Variants in MEF2C observed in about 807,000 individuals in gnomAD.
MEF2C encodes the protein myocyte-specific enhancer factor 2C.
MEF2C carries 6 observed loss-of-function variants against 50.5 expected under a neutral mutation model. That is an observed-to-expected ratio of 0.12 (90% confidence interval 0.07 to 0.23). MEF2C has a LOEUF of 0.23. MEF2C is among the 10% of genes least tolerant of loss of function. MEF2C has a pLI of 1.00. For missense variants in MEF2C, 276 were observed against 605.0 expected, an observed-to-expected ratio of 0.46 and a Z score of 5.70; for synonymous variants, 183 against 228.0, an observed-to-expected ratio of 0.80 and a Z score of 1.78.
At chr5:88,809,924 T>C (rs1294376565) in intron 2 of MEF2C, among the ~76,000 whole-genome samples, 3 of 152,176 alleles carry the variant, frequency 2.0e-5, no homozygotes, top group Admixed American at 1.3e-4. Flanking sequence ...TTTCTCATTG[T>C]AGTCCTCCAG....
At chr5:88,723,708 A>T (rs1757314973) in intron 10 of MEF2C, among the ~76,000 whole-genome samples, 1 of 152,106 alleles carries the variant, frequency 6.6e-6, no homozygotes, top group Non-Finnish European at 1.5e-5. Flanking sequence ...AATGTTAGTC[A>T]CTCCCTGATG....
At chr5:88,735,558 G>A (rs1374515319) in intron 6 of MEF2C, 1 of 972,496 alleles carries the variant, frequency 1.0e-6, no homozygotes, top group African/African-American at 1.8e-5. Flanking sequence ...TAAAAATATT[G>A]TTTTACATAA....
intron 6 of MEF2C, chr5:88,738,619 C>T (rs1765122743): frequency 2.0e-6 from 2 of 985,014 alleles, no homozygotes; most frequent in Non-Finnish European, 2.4e-6. Context: ...CCTTCAGAAC[C>T]AGTCATGCTC....
intron 10 of MEF2C, among the ~76,000 whole-genome samples, chr5:88,725,214 C>T (rs1345055889): frequency 2.6e-5 from 4 of 152,048 alleles, no homozygotes; most frequent in African/African-American, 7.2e-5. Flanking sequence ...TTGGTTATCC[C>T]TTCCTACAAA....
At chr5:88,847,955 A>G (rs1205683592) in intron 1 of MEF2C, among the ~76,000 whole-genome samples, 2 of 152,182 alleles carry the variant, frequency 1.3e-5, no homozygotes, top group Admixed American at 6.5e-5. Flanking sequence ...CTAAATTACA[A>G]AAGTTAGAGT....
chr5:88,840,859 A>G (rs1817078908), intron 1 of MEF2C, among the ~76,000 whole-genome samples: 1 of 152,234 alleles, frequency 6.6e-6, no homozygotes, highest in South Asian at 2.1e-4. Flanking sequence ...AGGATGTCAT[A>G]TGGAAGAAAA....
chr5:88,861,533 G>T (rs1825512339), intron 1 of MEF2C, among the ~76,000 whole-genome samples: 1 of 152,104 alleles, frequency 6.6e-6, no homozygotes, highest in Non-Finnish European at 1.5e-5. Flanking sequence ...CTCAGCTACT[G>T]CACGAAGTGA....
chr5:88,840,403 C>T (rs1816905027), intron 1 of MEF2C, among the ~76,000 whole-genome samples: 2 of 152,086 alleles, frequency 1.3e-5, no homozygotes, highest in Admixed American at 1.3e-4. Context: ...ATCTTTGCAG[C>T]TCATCATTTC....
chr5:88,738,094 G>A (rs1459237116), intron 6 of MEF2C: 1 of 985,240 alleles, frequency 1.0e-6, no homozygotes, highest in East Asian at 1.1e-4. Context: ...ACAAAAAAAA[G>A]ATAAGGCAGA....
chr5:88,889,389 TCC>T (rs35847525), intron 1 of MEF2C: 37 of 144,498 alleles, frequency 2.6e-4, no homozygotes, highest in African/African-American at 8.7e-4. Flanking sequence ...TCCCCCCCCT[TCC>T]CCCCCCCCTT....
intron 1 of MEF2C, among the ~76,000 whole-genome samples, chr5:88,865,808 A>G (rs1301535792): frequency 6.6e-6 from 1 of 152,242 alleles, no homozygotes; most frequent in Admixed American, 6.5e-5. Context: ...TGGGCATCGT[A>G]AGTGACAGGA....
At chr5:88,873,381 G>A (rs540116610) in intron 1 of MEF2C, among the ~76,000 whole-genome samples, 5 of 152,158 alleles carry the variant, frequency 3.3e-5, no homozygotes, top group Non-Finnish European at 7.4e-5. Context: ...TGTCGCCCAT[G>A]TGTAGTCAAA....
At chr5:88,810,874 T>A (rs539873802) in intron 2 of MEF2C, among the ~76,000 whole-genome samples, 2 of 152,172 alleles carry the variant, frequency 1.3e-5, no homozygotes, top group South Asian at 4.1e-4. Flanking sequence ...AGAGTCTATA[T>A]CCATAGCGCC....
At chr5:88,757,501 T>G (rs1325513361) in intron 4 of MEF2C, among the ~76,000 whole-genome samples, 3 of 152,186 alleles carry the variant, frequency 2.0e-5, no homozygotes, top group Non-Finnish European at 1.5e-5. Context: ...GACAAGTCTA[T>G]CATGGACTTG....
upstream of MEF2C, among the ~76,000 whole-genome samples, chr5:88,886,205 T>C (rs1225067593): frequency 1.3e-5 from 2 of 152,226 alleles, no homozygotes; most frequent in Non-Finnish European, 2.9e-5. Context: ...TGAAGAAATA[T>C]ACATTAGAAA....
intron 1 of MEF2C, among the ~76,000 whole-genome samples, chr5:88,876,082 T>C (rs1197260499): frequency 7.2e-6 from 1 of 139,704 alleles, no homozygotes; most frequent in Non-Finnish European, 1.6e-5. Context: ...TTTTTTTTTT[T>C]TCCTTTTTAA....
intron 6 of MEF2C, among the ~76,000 whole-genome samples, chr5:88,744,985 G>A (rs1326497734): frequency 1.3e-5 from 2 of 152,160 alleles, no homozygotes; most frequent in Non-Finnish European, 2.9e-5. Context: ...TTAAACATTC[G>A]TTGTATACTG....
chr5:88,723,611 T>C (rs1340850143), intron 10 of MEF2C, among the ~76,000 whole-genome samples: 1 of 152,262 alleles, frequency 6.6e-6, no homozygotes, highest in African/African-American at 2.4e-5. Context: ...TTCTACTCCA[T>C]TAAAACTGAT....
chr5:88,766,170 A>G (rs1412853057), intron 3 of MEF2C, among the ~76,000 whole-genome samples: 1 of 152,198 alleles, frequency 6.6e-6, no homozygotes, highest in Non-Finnish European at 1.5e-5. Flanking sequence ...AAAACTTGAA[A>G]TACGTACAAA....
Sources: allele counts gnomAD v4.1 joint callset (sites outside exome capture counted in the v4.1 genomes callset), GRCh38; gene constraint gnomAD v4.1.1; transcripts MANE v1.5; gene names NCBI Gene and HGNC (gene_info 2026-07-23, HGNC 2026-07-21).